USP54: variants seen among roughly 807,000 people sequenced by gnomAD.
USP54 encodes the protein ubiquitin specific peptidase 54, also known as ubiquitin carboxyl-terminal hydrolase 54.
A neutral mutation model predicts 170.5 loss-of-function variants in USP54; 87 were observed. That is an observed-to-expected ratio of 0.51 (90% CI 0.43 to 0.61). USP54 has a LOEUF of 0.61. USP54 is among the 20% of genes least tolerant of loss of function. USP54 has a pLI of 0.00. For synonymous variants in USP54, 655 were observed against 742.8 expected, an observed-to-expected ratio of 0.88 and a Z score of 1.92; for missense variants, 1,786 against 2,047.8, an observed-to-expected ratio of 0.87 and a Z score of 2.47.
At chr10:73,509,059 C>T (rs184141514) in intron 20 of USP54, among the ~76,000 whole-genome samples, 79 of 133,980 alleles carry the variant, frequency 5.9e-4, no homozygotes, top group Non-Finnish European at 9.3e-4. Flanking sequence ...ACCAAATTTC[C>T]TCAACAAATA....
chr10:73,612,839 C>CAAAAAAAAAAAAAAAAAAA, intron 1 of USP54, among the ~76,000 whole-genome samples: 1 of 42,132 alleles, frequency 2.4e-5, no homozygotes, highest in Non-Finnish European at 4.9e-5. Flanking sequence ...GACATTGTCT[C>CAAAAAAAAAAAAAAAAAAA]AAAAAAAAAA....
At position 73,519,798 on chromosome 10, in the gene USP54, T is replaced by C. The variant is rs1338077841; in HGVS notation, c.2677A>G (p.Ser893Gly). ...ACTAACATGGTTCCCAAGCACTACC[T>C]TGTTGGCTGAGAGAGAGTCCCCGCC... ...TQAGTLSQPT[S>G]EQPIPLQVLL... The change falls in exon 19 of 24, where the codon AGT (serine) becomes GGT (glycine). Residue 893 changes from serine to glycine, a missense_variant and splice_region_variant. This residue lies in a region of USP54 where 1,418 missense variants were observed against 1,569.0 expected (regional missense o/e 0.90). Transcript: ENST00000687698. 1 of 1,613,866 alleles carries C rather than the reference T, an allele frequency of 6.2e-7. No individual in the cohort carries two copies. The highest frequency in any genetic ancestry group is 8.5e-7 in the Non-Finnish European group (1 of 1,179,902).
intron 5 of USP54, among the ~76,000 whole-genome samples, chr10:73,544,034 C>T (rs1263991212): frequency 1.3e-5 from 2 of 152,032 alleles, no homozygotes; most frequent in Non-Finnish European, 2.9e-5. Context: ...CCTCTACCTC[C>T]CGGGTTCAAG....
upstream of USP54, among the ~76,000 whole-genome samples, chr10:73,592,370 T>TG (rs1053547071): frequency 1.3e-5 from 2 of 151,722 alleles, no homozygotes; most frequent in Non-Finnish European, 2.9e-5. Context: ...ATTGGTAAAA[T>TG]TTAACAAACA....
rs1319260765 is a variant in USP54 at position 73,536,453 on chromosome 10, C to A, written c.976-16G>T. On this transcript the variant is annotated splice_polypyrimidine_tract_variant and intron_variant, in intron 10 of 23. Transcript: ENST00000687698. ...TGGGCCCAATCTGAACCAGAAACAA[C>A]CAGAAGAACATGACAATTATACTTT... 3 of 1,518,796 alleles carry A rather than the reference C, an allele frequency of 2.0e-6. No homozygotes were observed. The highest frequency in any genetic ancestry group is 1.8e-6 in the Non-Finnish European group (2 of 1,135,836). The allele number at this position is 1,518,796 out of a possible 1,614,324, so 94.1% of individuals were successfully genotyped here.
chr10:73,541,490 C>T lies in USP54; in HGVS notation c.710G>A (p.Arg237His), dbSNP rs1182017867. The part of the protein sequence containing the change: ...SNCGERIRIR[R>H]VLMNAPQIIT... The stretch of plus-strand genomic sequence containing the variant: ...AATCTGTGGAGCATTCATCAACACA[C>T]GGCGAATCCTGATCCTCTCTCCACA... The change falls in exon 9 of 24, where the codon CGT becomes CAT. Residue 237 changes from arginine (R) to histidine (H), a missense_variant. Physicochemically the swap from Arg to His is conservative, Grantham distance 29. Coordinates refer to ENST00000687698, the MANE Select transcript of USP54 (RefSeq NM_001391956.1). The T allele has an allele frequency of 5.6e-6, 9 of 1,614,192 alleles. No individual in the cohort carries two copies. The highest frequency in any genetic ancestry group is 2.2e-5 in the East Asian group (1 of 44,886).
rs78859296 is a variant in USP54, at chr10:73,520,339, C to T, written c.2483-347G>A. Among the ~76,000 whole-genome samples the T allele has an allele frequency of 5.7e-3, 863 of 152,342 alleles. 13 individuals carry two copies. The highest frequency in any genetic ancestry group is 0.019 in the African/African-American group (805 of 41,578). On this transcript the variant is annotated intron_variant, in intron 18 of 23. Transcript: ENST00000687698. ...CTCCACACTCTACTCTCACCCCTCT[C>T]TTCCCAATGGCCAACAGCAGAAATA...
At chr10:73,621,432 T>G (rs373447727) in intron 1 of USP54, among the ~76,000 whole-genome samples, 1 of 150,478 alleles carries the variant, frequency 6.6e-6, no homozygotes, top group East Asian at 2.0e-4. Flanking sequence ...AAACCCTGTC[T>G]CTACTAAAAA....
Position 73,526,709 on chromosome 10 carries a change from C to CT in USP54, c.2131dup (p.Ser711LysfsTer23). The CT allele has an allele frequency of 6.2e-7, 1 of 1,614,180 alleles. No homozygotes were observed. Among genetic ancestry groups the CT allele is most frequent in the Non-Finnish European group, 8.5e-7 (1 of 1,180,026 alleles). ...TGCTGTGGAGTCTACCTCCAGGATG[C>CT]TACTGCTGTGCGACTTTGGGATATG... is the stretch of plus-strand genomic sequence containing the variant. On this transcript the variant is annotated frameshift_variant, in exon 16 of 24. Transcript: ENST00000687698. LOFTEE classifies it high-confidence loss of function.
intron 4 of USP54, among the ~76,000 whole-genome samples, chr10:73,554,358 A>C (rs2070420618): frequency 6.6e-6 from 1 of 152,142 alleles, no homozygotes; most frequent in African/African-American, 2.4e-5. Context: ...TGGCTCTCAT[A>C]ATCACTGCTT....
At chr10:73,507,509 A>C (rs952545110) in intron 20 of USP54, among the ~76,000 whole-genome samples, 1 of 151,624 alleles carries the variant, frequency 6.6e-6, no homozygotes, top group African/African-American at 2.4e-5. Context: ...CCCCATCTCT[A>C]CTAAAAATAC....
chr10:73,513,191 G>A (rs1342526599), intron 20 of USP54: 2 of 152,090 alleles, frequency 1.3e-5, no homozygotes, highest in Non-Finnish European at 2.9e-5. Flanking sequence ...TCACCTTATA[G>A]TCACTTCTCA....
intron 20 of USP54, among the ~76,000 whole-genome samples, chr10:73,515,082 T>C (rs762561731): frequency 2.2e-4 from 34 of 152,084 alleles, no homozygotes; most frequent in Non-Finnish European, 4.4e-4. Context: ...CTTATATTTA[T>C]GTGGTATTCC....
intron 4 of USP54, among the ~76,000 whole-genome samples, chr10:73,550,595 G>T (rs1258618795): frequency 1.3e-5 from 2 of 152,008 alleles, no homozygotes; most frequent in African/African-American, 4.8e-5. Flanking sequence ...CCAGCAACTA[G>T]GACAGTACTG....
intron 19 of USP54, 70 bp from the exon 20 acceptor site, chr10:73,517,817 C>T: frequency 6.7e-7 from 1 of 1,493,962 alleles, no homozygotes; most frequent in South Asian, 1.3e-5. Flanking sequence ...AAGAACTCAA[C>T]ATTCCATTCC....
intron 4 of USP54, among the ~76,000 whole-genome samples, chr10:73,549,169 T>C (rs1242691800): frequency 6.6e-6 from 1 of 152,180 alleles, no homozygotes; most frequent in African/African-American, 2.4e-5. Flanking sequence ...CTTTGCTGGT[T>C]CCTTTTCAAT....
Position 73,517,283 on chromosome 10 carries a change from C to T in USP54, c.3143G>A (p.Gly1048Asp), listed in dbSNP as rs376677704. 3.3e-5 allele frequency: 53 copies of T among 1,613,406 alleles called. No individual in the cohort carries two copies. In the South Asian group the frequency reaches 5.6e-4, roughly 17 times the overall value. ...ACTACAGCCTAGGCTGTGTTCATCA[C>T]CCCTCTCAGAGGTGGCTATTCCAGG... ...VMPGIATSERGDEHSLGCSPS... is the reference protein window; with the variant it reads ...VMPGIATSERDDEHSLGCSPS... Residue 1048 changes from glycine to aspartate, a missense_variant, in exon 20 of 24, where the codon GGT becomes GAT. Gly to Asp is a moderately conservative substitution (Grantham distance 94). Transcript: ENST00000687698.
At chr10:73,511,896 C>A (rs1380984485) in intron 20 of USP54, among the ~76,000 whole-genome samples, 3 of 151,214 alleles carry the variant, frequency 2.0e-5, no homozygotes, top group African/African-American at 4.9e-5. Context: ...GCACGTGCCA[C>A]AATACCCGGC....
chr10:73,534,810 A>G, intron 11 of USP54, 40 bp from the exon 12 acceptor site: 1 of 1,587,152 alleles, frequency 6.3e-7, no homozygotes, highest in Non-Finnish European at 8.6e-7. Flanking sequence ...AAGTGAGGAA[A>G]CAGAACAGTA....
Sources: gnomAD v4.1 joint callset for allele counts (sites outside exome capture counted in the v4.1 genomes callset) on GRCh38, gnomAD v4.1.1 for gene constraint, gnomAD v4.1.1 regional missense constraint, MANE v1.5 for transcripts, NCBI Gene and HGNC (gene_info 2026-07-23, HGNC 2026-07-21) for gene names.